The following HES6 variants were observed in gnomAD, a reference collection of about 807,000 sequenced individuals.
HES6 encodes hes family bHLH transcription factor 6.
HES6 carries 24 observed loss-of-function variants against 16.4 expected under a neutral mutation model. The ratio of observed to expected loss-of-function variants is 1.46; its 90% CI spans 1.06 to 2.06. HES6 has a LOEUF of 2.06. Ranked by LOEUF, HES6 falls within the 30% of genes most tolerant of loss-of-function variation. The pLI, the probability that HES6 is intolerant of heterozygous loss-of-function variation, is 0.00. For missense variants in HES6, 355 were observed against 317.6 expected (o/e 1.12, Z -0.90); for synonymous variants, 159 against 144.3 (o/e 1.10, Z -0.73).
At chr2:238,239,801 C>T (rs1192636116) in intron 1 of HES6, 24 bp downstream of exon 1, 3 of 1,404,160 alleles carry the variant, frequency 2.1e-6, no homozygotes, top group East Asian at 3.1e-5. Flanking sequence ...CGCCCGCTTG[C>T]TCGCCCATGG....
rs760749292 is a variant in HES6 at position 238,239,820 on chromosome 2, C to T, written c.81+5G>A. 1.4e-6 allele frequency: 2 copies of T among 1,404,138 alleles called. No individual in the cohort carries two copies. The highest frequency in any genetic ancestry group is 2.2e-5 in the Admixed American group (1 of 45,332). 87.0% of individuals were successfully genotyped at this position (1,404,138 alleles called of 1,614,324 possible). ...CGCTTGCTCGCCCATGGCCCCGGCC[C>T]GCACCTTGCGGTCCCCTCGCGTCTC... On this transcript the variant is annotated splice_donor_5th_base_variant and intron_variant, in intron 1 of 3. Transcript: ENST00000272937.
At chr2:238,239,330 CG>C (rs755441541) in intron 3 of HES6, 79 bp from the exon 4 acceptor site, 7 of 1,444,670 alleles carry the variant, frequency 4.8e-6, no homozygotes, top group African/African-American at 3.0e-5. Flanking sequence ...ACCCGGCCCG[CG>C]GGGACGCGGC....
At chr2:238,239,284 T>A in intron 3 of HES6, 33 bp from the exon 4 acceptor site, 1 of 1,585,086 alleles carries the variant, frequency 6.3e-7, no homozygotes, top group East Asian at 2.3e-5. Flanking sequence ...GAGAGCCGCG[T>A]CCCGCGCGGT....
Position 238,239,688 on chromosome 2 carries a change from C to G in HES6, c.141G>C (p.Glu47Asp). The part of the protein sequence containing the change: ...RRARINESLQ[E>D]LRLLLAGAEV... ...CGGCGCCCGCCAGCAGCAGCCGCAGCTCCTGCAGGCTCTCGTTGATCCGCG... is the reference window on the plus strand; with the variant it reads ...CGGCGCCCGCCAGCAGCAGCCGCAGGTCCTGCAGGCTCTCGTTGATCCGCG... The change falls in exon 2 of 4, where the codon GAG (glutamate) becomes GAC (aspartate). Residue 47 changes from glutamate (E) to aspartate (D), a missense_variant. By Grantham distance (45) the Glu-to-Asp change is conservative (BLOSUM62 2). Coordinates refer to ENST00000272937, the MANE Select transcript of HES6 (RefSeq NM_018645.6). 10 of 1,270,890 alleles carry G rather than the reference C, an allele frequency of 7.9e-6. No homozygotes were observed. The highest frequency in any genetic ancestry group is 1.0e-5 in the Non-Finnish European group (10 of 1,002,822). 78.7% of individuals were successfully genotyped at this position (1,270,890 alleles called of 1,614,324 possible).
In HES6 at chr2:238,238,709, G is replaced by A; in HGVS notation, c.*118C>T. 1.0e-6 allele frequency: 1 copy of A among 997,872 alleles called. No homozygotes were observed. The highest frequency in any genetic ancestry group is 2.6e-5 in the East Asian group (1 of 38,016). 61.8% of individuals were successfully genotyped at this position (997,872 alleles called of 1,614,324 possible). A position where few individuals can be genotyped will look rare whatever the true frequency, so the allele number is the denominator to read the frequency against. Reference sequence around the variant, plus strand: ...GCCCTGCAAGCCATCCATCAGAGGAGGGAGGGAAGACCTGGGAGACTTCCA... The same window carrying A: ...GCCCTGCAAGCCATCCATCAGAGGAAGGAGGGAAGACCTGGGAGACTTCCA... On this transcript the variant is annotated 3_prime_UTR_variant, in exon 4 of 4. Coordinates refer to ENST00000272937, the MANE Select transcript of HES6 (RefSeq NM_018645.6).
chr2:238,239,556 G>A lies in HES6; in HGVS notation c.181C>T (p.Leu61=), dbSNP rs1695254705. The A allele has an allele frequency of 1.5e-6, 2 of 1,295,674 alleles. No individual in the cohort carries two copies. Among genetic ancestry groups the A allele is most frequent in the Non-Finnish European group, 2.0e-6 (2 of 1,018,522 alleles). 80.3% of individuals were successfully genotyped at this position (1,295,674 alleles called of 1,614,324 possible). A position where few individuals can be genotyped will look rare whatever the true frequency, so the allele number is the denominator to read the frequency against. Residue 61 remains leucine (L), a synonymous_variant, in exon 3 of 4, where the codon CTG becomes TTG. Coordinates refer to ENST00000272937, the MANE Select transcript of HES6 (RefSeq NM_018645.6). ...LLAGAEVQAK[L]ENAEVLELTV... The stretch of plus-strand genomic sequence containing the variant: ...AGCTCCAGCACTTCGGCGTTCTCCA[G>A]CTTGGCCTGCACCTGCGCGGGCGGG...
intron 2 of HES6, 25 bp from the exon 3 acceptor site, chr2:238,239,593 G>C (rs1373233688): frequency 8.4e-7 from 1 of 1,192,430 alleles, no homozygotes. Flanking sequence ...AGGGCGGTGA[G>C]CCGGCAGCGC....
At position 238,238,972 on chromosome 2, in the gene HES6, G is replaced by A. The variant is rs970410892; in HGVS notation, c.530C>T (p.Pro177Leu). Residue 177 changes from proline (P) to leucine (L), a missense_variant, in exon 4 of 4, where the codon CCT becomes CTT. Pro to Leu is a moderately conservative substitution (Grantham distance 98, BLOSUM62 -3). Transcript: ENST00000272937. ...CAGGTCGGAGCACAGGTCGTCCCCA[G>A]GACCCGGGGGGCTGGGTATTGGGGA... The part of the protein sequence containing the change: ...PGSPIPSPPG[P>L]GDDLCSDLEE... 1 of 1,603,908 alleles carries A rather than the reference G, an allele frequency of 6.2e-7. No individual in the cohort carries two copies. Among genetic ancestry groups the A allele is most frequent in the African/African-American group, 1.3e-5 (1 of 74,840 alleles).
At chr2:238,239,590 T>C (rs1377276591) in intron 2 of HES6, 22 bp from the exon 3 acceptor site, 4 of 1,195,520 alleles carry the variant, frequency 3.3e-6, no homozygotes, top group South Asian at 3.4e-5. Context: ...GGAAGGGCGG[T>C]GAGCCGGCAG....
rs1025159508 is a variant in HES6 at position 238,239,049 on chromosome 2, C to T, written c.453G>A (p.Gly151=). 1.9e-6 allele frequency: 3 copies of T among 1,611,860 alleles called. No individual in the cohort carries two copies. The highest frequency in any genetic ancestry group is 2.5e-6 in the Non-Finnish European group (3 of 1,179,780). Reference sequence around the variant, plus strand: ...CACTCCGTCCAGGGGCTCTAGGTGGCCCCGCCAGGGCGTCCCCCAGCAGAT... The same window carrying T: ...CACTCCGTCCAGGGGCTCTAGGTGGTCCCGCCAGGGCGTCCCCCAGCAGAT... ...FQDLLGDALA[G]PPRAPGRSGW... Residue 151 remains glycine, a synonymous_variant, in exon 4 of 4, where the codon GGG becomes GGA. Coordinates refer to ENST00000272937, the MANE Select transcript of HES6 (RefSeq NM_018645.6).
rs1190351859 is a variant in HES6, at chr2:238,238,282, C to T, written c.*545G>A. The stretch of plus-strand genomic sequence containing the variant: ...TCAACAATACTTCAAGGGTAACTAA[C>T]TCCAAAATTCTTTATTTAGTAAAAT... On this transcript the variant is annotated 3_prime_UTR_variant, in exon 4 of 4. Transcript: ENST00000272937. 1 of 155,640 alleles carries T rather than the reference C, an allele frequency of 6.4e-6. No homozygotes were observed. The highest frequency in any genetic ancestry group is 1.9e-4 in the East Asian group (1 of 5,214). 9.6% of individuals were successfully genotyped at this position (155,640 alleles called of 1,614,324 possible).
chr2:238,238,461 C>A lies in HES6; in HGVS notation c.*366G>T. 1 of 317,286 alleles carries A rather than the reference C, an allele frequency of 3.2e-6. No homozygotes were observed. Among genetic ancestry groups the A allele is most frequent in the Non-Finnish European group, 5.9e-6 (1 of 168,970 alleles). 19.7% of individuals were successfully genotyped at this position (317,286 alleles called of 1,614,324 possible). On this transcript the variant is annotated 3_prime_UTR_variant, in exon 4 of 4. Transcript: ENST00000272937. ...CAAGCTTTTGTTTAGCCCAGGGCTG[C>A]CTGGAACACTAGTGCCCAGCACCAT...
Position 238,239,484 on chromosome 2 carries a change from C to G in HES6, c.250+3G>C. The G allele has an allele frequency of 7.8e-7, 1 of 1,283,084 alleles. No individual in the cohort carries two copies. The highest frequency in any genetic ancestry group is 2.7e-5 in the South Asian group (1 of 37,570). 79.5% of individuals were successfully genotyped at this position (1,283,084 alleles called of 1,614,324 possible). On this transcript the variant is annotated splice_donor_region_variant and intron_variant, in intron 3 of 3. Transcript: ENST00000272937. ...CGCCCCCGCCCGCCCCGCCGCCACTCACCGCGCGCCCGGCCCCGCAGCACA... is the reference window on the plus strand; with the variant it reads ...CGCCCCCGCCCGCCCCGCCGCCACTGACCGCGCGCCCGGCCCCGCAGCACA...
Position 238,239,575 on chromosome 2 carries a change from G to C in HES6, c.169-7C>G, listed in dbSNP as rs1695255575. ...TCTCCAGCTTGGCCTGCACCTGCGC[G>C]GGCGGGAAGGGCGGTGAGCCGGCAG... is the stretch of plus-strand genomic sequence containing the variant. On this transcript the variant is annotated splice_polypyrimidine_tract_variant and splice_region_variant and intron_variant, in intron 2 of 3. Transcript: ENST00000272937. The C allele has an allele frequency of 4.9e-6, 6 of 1,215,820 alleles. No individual in the cohort carries two copies. The highest frequency in any genetic ancestry group is 6.1e-6 in the Non-Finnish European group (6 of 979,022). The allele number at this position is 1,215,820 out of a possible 1,614,324, so 75.3% of individuals were successfully genotyped here. A position where few individuals can be genotyped will look rare whatever the true frequency, so the allele number is the denominator to read the frequency against.
In HES6 at chr2:238,239,808, A is replaced by G. The variant is rs1695266451; in HGVS notation, c.81+17T>C. 2.1e-6 allele frequency: 3 copies of G among 1,406,032 alleles called. No individual in the cohort carries two copies. Among genetic ancestry groups the G allele is most frequent in the Non-Finnish European group, 2.8e-6 (3 of 1,071,742 alleles). 87.1% of individuals were successfully genotyped at this position (1,406,032 alleles called of 1,614,324 possible). A position where few individuals can be genotyped will look rare whatever the true frequency, so the allele number is the denominator to read the frequency against. On this transcript the variant is annotated intron_variant, in intron 1 of 3. Coordinates refer to ENST00000272937, the MANE Select transcript of HES6 (RefSeq NM_018645.6). ...CGGCCTCCCGCCCGCTTGCTCGCCC[A>G]TGGCCCCGGCCCGCACCTTGCGGTC... is the stretch of plus-strand genomic sequence containing the variant.
chr2:238,239,496 G>T lies in HES6; in HGVS notation c.241C>A (p.Arg81=). 1 of 1,283,396 alleles carries T rather than the reference G, an allele frequency of 7.8e-7. No individual in the cohort carries two copies. Among genetic ancestry groups the T allele is most frequent in the Non-Finnish European group, 9.8e-7 (1 of 1,018,936 alleles). The allele number at this position is 1,283,396 out of a possible 1,614,324, so 79.5% of individuals were successfully genotyped here. A position where few individuals can be genotyped will look rare whatever the true frequency, so the allele number is the denominator to read the frequency against. Residue 81 remains arginine, a synonymous_variant, in exon 3 of 4, where the codon CGG becomes AGG. Transcript: ENST00000272937. ...VRRVQGVLRG[R]AREREQLQAE... ...CCCCGCCGCCACTCACCGCGCGCCC[G>T]GCCCCGCAGCACACCCTGGACCCGC...
In HES6 at chr2:238,238,988, G is replaced by C. The variant is rs748198195; in HGVS notation, c.514C>G (p.Pro172Ala). The C allele has an allele frequency of 6.2e-7, 1 of 1,605,290 alleles. No homozygotes were observed. Among genetic ancestry groups the C allele is most frequent in the African/African-American group, 1.3e-5 (1 of 74,770 alleles). The change falls in exon 4 of 4, where the codon CCC becomes GCC. Residue 172 changes from proline to alanine, a missense_variant. Physicochemically the swap from Pro to Ala is conservative, Grantham distance 27 (BLOSUM62 -1). Coordinates refer to ENST00000272937, the MANE Select transcript of HES6 (RefSeq NM_018645.6). ...TCGTCCCCAGGACCCGGGGGGCTGG[G>C]TATTGGGGATCCCGGAGCGCCCCCC... ...PAGGAPGSPI[P>A]SPPGPGDDLC... is the part of the protein sequence containing the mutation.
intron 3 of HES6, 114 bp from the exon 4 acceptor site, chr2:238,239,365 AC>A (rs1695248229): frequency 1.5e-6 from 2 of 1,319,856 alleles, no homozygotes; most frequent in East Asian, 2.9e-5. Context: ...GCGGGGGCGC[AC>A]CCTGCTCCGG....
chr2:238,238,425 A>G lies in HES6; in HGVS notation c.*402T>C, dbSNP rs966462719. 7.7e-6 allele frequency: 2 copies of G among 259,740 alleles called. No homozygotes were observed. Among genetic ancestry groups the G allele is most frequent in the Non-Finnish European group, 1.5e-5 (2 of 134,046 alleles). The allele number at this position is 259,740 out of a possible 1,614,324, so 16.1% of individuals were successfully genotyped here. ...CACCTGCCTCTCATCTCCCCGCTGA[A>G]GTGGCAAGTTCAAGCTTTTGTTTAG... On this transcript the variant is annotated 3_prime_UTR_variant, in exon 4 of 4. Coordinates refer to ENST00000272937, the MANE Select transcript of HES6 (RefSeq NM_018645.6).
Sources: allele counts gnomAD v4.1 joint callset, GRCh38; gene constraint gnomAD v4.1.1; transcripts MANE v1.5; gene names NCBI Gene and HGNC (gene_info 2026-07-23, HGNC 2026-07-21).